ZFAND3: variants seen among roughly 807,000 people sequenced by gnomAD.
ZFAND3 encodes the protein zinc finger AN1-type containing 3, also known as AN1-type zinc finger protein 3.
ZFAND3 carries 10 observed loss-of-function variants against 29.6 expected under a neutral mutation model. The ratio of observed to expected loss-of-function variants is 0.34; its 90% CI spans 0.21 to 0.57. ZFAND3 has a LOEUF of 0.57. ZFAND3 is among the 20% of genes least tolerant of loss of function. ZFAND3 has a pLI of 0.86. For synonymous variants in ZFAND3, 128 were observed against 112.6 expected, an observed-to-expected ratio of 1.14 and a Z score of -0.87; for missense variants, 230 against 304.5, an observed-to-expected ratio of 0.76 and a Z score of 1.82.
chr6:38,068,978 C>G (rs949918081), intron 3 of ZFAND3, among the ~76,000 whole-genome samples: 5 of 152,160 alleles, frequency 3.3e-5, no homozygotes, highest in African/African-American at 1.2e-4. Context: ...TGCCTTTTAA[C>G]AGATGTCCTT....
intron 4 of ZFAND3, among the ~76,000 whole-genome samples, chr6:38,087,098 A>G (rs375771197): frequency 6.6e-6 from 1 of 152,184 alleles, no homozygotes; most frequent in Admixed American, 6.5e-5. Flanking sequence ...AAAAGAAAAT[A>G]TCTCCAATAA....
At chr6:37,925,987 C>A (rs1005623206) in intron 1 of ZFAND3, among the ~76,000 whole-genome samples, 1 of 152,044 alleles carries the variant, frequency 6.6e-6, no homozygotes, top group Non-Finnish European at 1.5e-5. Context: ...GAGATCACTA[C>A]CAAATGAAAA....
At position 38,144,171 on chromosome 6, in the gene ZFAND3, GATATATATATATAATATATATATAT is replaced by G. The variant is rs1326697395; in HGVS notation, c.530-8050_530-8026del. Reference sequence around the variant, plus strand: ...AATTATTACCTTGCTAGAAAAATGTGATATATATATATAATATATATATATATATATATATATATAATATATAATA... The same window carrying G: ...AATTATTACCTTGCTAGAAAAATGTGATATATATATATATAATATATAATA... On this transcript the variant is annotated intron_variant, in intron 5 of 5. Coordinates refer to ENST00000287218, the MANE Select transcript of ZFAND3 (RefSeq NM_021943.3). 5.4e-4 allele frequency among the ~76,000 whole-genome samples: 47 copies of G among 87,320 alleles called. 4 individuals carry two copies. The highest frequency in any genetic ancestry group is 4.3e-3 in the East Asian group (9 of 2,116). 57.3% of individuals were successfully genotyped at this position (87,320 alleles called of 152,430 possible).
At chr6:37,997,654 G>A (rs1036325999) in intron 2 of ZFAND3, among the ~76,000 whole-genome samples, 3 of 152,180 alleles carry the variant, frequency 2.0e-5, no homozygotes, top group African/African-American at 7.2e-5. Flanking sequence ...GTGCTCCTGG[G>A]TGAATTAACT....
intron 4 of ZFAND3, among the ~76,000 whole-genome samples, chr6:38,089,110 T>C (rs1764814449): frequency 6.6e-6 from 1 of 151,940 alleles, no homozygotes; most frequent in Admixed American, 6.5e-5. Flanking sequence ...TTCCCTTTTC[T>C]TGACTCACTT....
At chr6:37,919,313 T>A (rs1761329110) in intron 1 of ZFAND3, among the ~76,000 whole-genome samples, 1 of 152,200 alleles carries the variant, frequency 6.6e-6, no homozygotes, top group Non-Finnish European at 1.5e-5. Flanking sequence ...TATTTAAAGG[T>A]CATGGATTAT....
At chr6:37,830,806 T>G (rs556784593) in intron 1 of ZFAND3, among the ~76,000 whole-genome samples, 19 of 152,346 alleles carry the variant, frequency 1.2e-4, no homozygotes, top group Non-Finnish European at 2.2e-4. Flanking sequence ...TTTAACTTGC[T>G]CTTCTTAGAA....
At chr6:37,943,707 A>G (rs1014646889) in intron 2 of ZFAND3, among the ~76,000 whole-genome samples, 4 of 152,146 alleles carry the variant, frequency 2.6e-5, no homozygotes, top group East Asian at 1.9e-4. Flanking sequence ...AATCCCATTA[A>G]TCATGTGATA....
intron 2 of ZFAND3, among the ~76,000 whole-genome samples, chr6:38,057,762 T>C (rs1379965222): frequency 3.3e-5 from 5 of 152,316 alleles, no homozygotes; most frequent in Non-Finnish European, 5.9e-5. Context: ...TCTCAGCTCT[T>C]GCATTCTCTA....
At chr6:38,116,157 A>G (rs1157606145) in intron 4 of ZFAND3, among the ~76,000 whole-genome samples, 1 of 152,226 alleles carries the variant, frequency 6.6e-6, no homozygotes, top group Non-Finnish European at 1.5e-5. Flanking sequence ...TCTCTAAAGA[A>G]TTACGGTCTA....
At chr6:38,105,973 T>G (rs996436694) in intron 4 of ZFAND3, among the ~76,000 whole-genome samples, 1 of 151,948 alleles carries the variant, frequency 6.6e-6, no homozygotes, top group African/African-American at 2.4e-5. Flanking sequence ...AGAAAAAAAT[T>G]GAGCCCCGTG....
chr6:37,929,154 TTCAAAAAA>T (rs2127412289), intron 1 of ZFAND3, among the ~76,000 whole-genome samples: 1 of 152,276 alleles, frequency 6.6e-6, no homozygotes, highest in South Asian at 2.1e-4. Context: ...ACTGCAAAAA[TTCAAAAAA>T]TTCCAACCTC....
At chr6:37,915,981 C>T (rs1285916025) in intron 1 of ZFAND3, among the ~76,000 whole-genome samples, 1 of 151,670 alleles carries the variant, frequency 6.6e-6, no homozygotes, top group Non-Finnish European at 1.5e-5. Context: ...GTTGGTCAGG[C>T]TGGTCTCAAA....
intron 1 of ZFAND3, among the ~76,000 whole-genome samples, chr6:37,919,699 A>G (rs1334872634): frequency 2.0e-5 from 3 of 152,230 alleles, no homozygotes; most frequent in African/African-American, 7.2e-5. Context: ...ATTGCTTTCT[A>G]GAAGATCTTC....
intron 1 of ZFAND3, among the ~76,000 whole-genome samples, chr6:37,924,230 A>C (rs1352181188): frequency 5.3e-5 from 8 of 151,914 alleles, no homozygotes; most frequent in African/African-American, 1.9e-4. Context: ...TGACAGGCTG[A>C]CAGCCACAGG....
chr6:38,082,140 C>CTTTT, intron 3 of ZFAND3, among the ~76,000 whole-genome samples: 1 of 144,098 alleles, frequency 6.9e-6, no homozygotes, highest in Non-Finnish European at 1.6e-5. Flanking sequence ...TGAGACTCGG[C>CTTTT]TGTTTTTTTT....
At chr6:38,019,046 T>TCCACCTCCTA (rs1333206152) in intron 2 of ZFAND3, among the ~76,000 whole-genome samples, 2 of 152,086 alleles carry the variant, frequency 1.3e-5, no homozygotes, top group Non-Finnish European at 2.9e-5. Context: ...CACTGCAACC[T>TCCACCTCCTA]CCACCTCCTG....
At chr6:38,011,368 A>G (rs1390259571) in intron 2 of ZFAND3, among the ~76,000 whole-genome samples, 2 of 152,190 alleles carry the variant, frequency 1.3e-5, no homozygotes, top group Non-Finnish European at 2.9e-5. Context: ...TTAACTTTAT[A>G]AGAAACTGCC....
intron 5 of ZFAND3, among the ~76,000 whole-genome samples, chr6:38,132,916 A>T (rs1305052992): frequency 6.6e-6 from 1 of 152,210 alleles, no homozygotes; most frequent in East Asian, 1.9e-4. Flanking sequence ...AAGCCTGTTC[A>T]CAGATTTGAG....
Sources: allele counts gnomAD v4.1 joint callset (sites outside exome capture counted in the v4.1 genomes callset), GRCh38; gene constraint gnomAD v4.1.1; transcripts MANE v1.5; gene names NCBI Gene and HGNC (gene_info 2026-07-23, HGNC 2026-07-21).